SPARCL1: variants seen among roughly 807,000 people sequenced by gnomAD.
SPARCL1 encodes the protein SPARC-like protein 1.
In SPARCL1, 52 loss-of-function variants were observed where a neutral mutation model predicts 67.1. That is an observed-to-expected ratio of 0.78 (90% CI 0.62 to 0.98). The LOEUF (loss-of-function observed/expected upper bound fraction) is 0.98. Among genes scored for constraint, SPARCL1 ranks in the 50% least tolerant of loss-of-function variants. The pLI is 0.00. For synonymous variants in SPARCL1, 226 were observed against 267.8 expected, an observed-to-expected ratio of 0.84 and a Z score of 1.52; for missense variants, 717 against 782.4, an observed-to-expected ratio of 0.92 and a Z score of 1.00.
chr4:87,514,273 G>T (rs1255147348), intron 1 of SPARCL1, among the ~76,000 whole-genome samples: 1 of 152,166 alleles, frequency 6.6e-6, no homozygotes, highest in African/African-American at 2.4e-5. Context: ...AACCCAAAAA[G>T]AGCTATCGAA....
chr4:87,494,494 G>T lies in SPARCL1; in HGVS notation c.306C>A (p.Asp102Glu). The T allele has an allele frequency of 6.2e-7, 1 of 1,614,076 alleles. No individual in the cohort carries two copies. The highest frequency in any genetic ancestry group is 8.5e-7 in the Non-Finnish European group (1 of 1,180,002). The part of the protein sequence containing the change: ...SQELGLKDQE[D>E]SDGHLSVNLE... ...AATTCACACTTAAGTGACCATCACTGTCCTCTTGATCCTTCAATCCCAGCT... is the reference window on the plus strand; with the variant it reads ...AATTCACACTTAAGTGACCATCACTTTCCTCTTGATCCTTCAATCCCAGCT... Residue 102 changes from aspartate to glutamate, a missense_variant, in exon 4 of 11, where the codon GAC (aspartate) becomes GAA (glutamate). Asp to Glu is a conservative substitution (Grantham distance 45). Transcript: ENST00000282470.
chr4:87,476,031 G>T (rs1033981352), intron 10 of SPARCL1, among the ~76,000 whole-genome samples: 1 of 152,192 alleles, frequency 6.6e-6, no homozygotes, highest in African/African-American at 2.4e-5. Flanking sequence ...TGGAGTGGTA[G>T]AGATAATGGC....
chr4:87,486,811 G>A (rs1274628239), intron 7 of SPARCL1, among the ~76,000 whole-genome samples: 1 of 144,486 alleles, frequency 6.9e-6, no homozygotes, highest in African/African-American at 2.6e-5. Context: ...TTACCATTAT[G>A]TGATGCCCTT....
At chr4:87,513,121 G>A (rs970302972) in intron 1 of SPARCL1, among the ~76,000 whole-genome samples, 1 of 152,130 alleles carries the variant, frequency 6.6e-6, no homozygotes, top group African/African-American at 2.4e-5. Context: ...CTTGAGGCAG[G>A]GTTCCAAGGA....
chr4:87,498,517 T>C (rs1195579456), intron 2 of SPARCL1, among the ~76,000 whole-genome samples: 4 of 152,272 alleles, frequency 2.6e-5, no homozygotes, highest in Non-Finnish European at 5.9e-5. Context: ...ATGAATCATT[T>C]GCAGAACATC....
At chr4:87,473,886 G>C (rs1330959884) in intron 10 of SPARCL1, 83 bp from the exon 11 acceptor site, 7 of 927,138 alleles carry the variant, frequency 7.6e-6, no homozygotes, top group African/African-American at 3.3e-5. Context: ...TGGGGGATTA[G>C]AGAAACCATC....
intron 1 of SPARCL1, among the ~76,000 whole-genome samples, chr4:87,526,207 A>G (rs758644772): frequency 6.6e-6 from 1 of 152,236 alleles, no homozygotes; most frequent in Non-Finnish European, 1.5e-5. Flanking sequence ...CTACTAACTG[A>G]TGCAGCAGTG....
At chr4:87,510,507 G>A (rs562932018) in intron 1 of SPARCL1, among the ~76,000 whole-genome samples, 1 of 152,302 alleles carries the variant, frequency 6.6e-6, no homozygotes, top group South Asian at 2.1e-4. Context: ...AGCCAGCAGA[G>A]GGAAGAAGCA....
chr4:87,513,342 G>T (rs574392729), intron 1 of SPARCL1, among the ~76,000 whole-genome samples: 1 of 152,172 alleles, frequency 6.6e-6, no homozygotes, highest in African/African-American at 2.4e-5. Context: ...AATTAGAAAC[G>T]CTGAGCTTTG....
chr4:87,491,588 T>G (rs1388025649), intron 5 of SPARCL1, 30 bp downstream of exon 5: 3 of 1,568,620 alleles, frequency 1.9e-6, no homozygotes, highest in Admixed American at 1.7e-5. Context: ...CTTGATATAG[T>G]CACAAACAGC....
chr4:87,480,172 T>A (rs770162823), intron 9 of SPARCL1, among the ~76,000 whole-genome samples, 200 bp downstream of exon 9: 29 of 152,078 alleles, frequency 1.9e-4, no homozygotes, highest in East Asian at 7.7e-4. Context: ...TTCAGACTTT[T>A]TTATTATTAT....
At chr4:87,481,257 G>A (rs1017270500) in intron 8 of SPARCL1, among the ~76,000 whole-genome samples, 3 of 152,038 alleles carry the variant, frequency 2.0e-5, no homozygotes, top group South Asian at 2.1e-4. Flanking sequence ...GACATGTATC[G>A]AAGAACGCCC....
At position 87,494,345 on chromosome 4, in the gene SPARCL1, T is replaced by C. The variant is rs1212685602; in HGVS notation, c.455A>G (p.Asn152Ser). 1.2e-6 allele frequency: 2 copies of C among 1,614,102 alleles called. No homozygotes were observed. The highest frequency in any genetic ancestry group is 2.7e-5 in the African/African-American group (2 of 74,938). Residue 152 changes from asparagine to serine, a missense_variant, in exon 4 of 11, where the codon AAC becomes AGC. Physicochemically the swap from Asn to Ser is conservative, Grantham distance 46. Transcript: ENST00000282470. Reference sequence around the variant, plus strand: ...TCTCTTTGTGATACTTTCTTGTTGGTTAGAATCTGTGAAGGAACTAACACC... The same window carrying C: ...TCTCTTTGTGATACTTTCTTGTTGGCTAGAATCTGTGAAGGAACTAACACC... ...APGVSSFTDS[N>S]QQESITKREE...
At chr4:87,518,251 C>G (rs2110261456) in intron 1 of SPARCL1, among the ~76,000 whole-genome samples, 1 of 152,218 alleles carries the variant, frequency 6.6e-6, no homozygotes, top group Admixed American at 6.5e-5. Context: ...CACAGCTTGC[C>G]CACAGCTGGT....
intron 5 of SPARCL1, among the ~76,000 whole-genome samples, 168 bp downstream of exon 5, chr4:87,491,450 G>A (rs1460728029): frequency 6.6e-6 from 1 of 152,178 alleles, no homozygotes; most frequent in Non-Finnish European, 1.5e-5. Context: ...TGTATATCAA[G>A]TATGCACAAG....
At chr4:87,474,110 G>A (rs1310871413) in intron 10 of SPARCL1, among the ~76,000 whole-genome samples, 1 of 152,156 alleles carries the variant, frequency 6.6e-6, no homozygotes, top group Non-Finnish European at 1.5e-5. Context: ...GTTAACGGGA[G>A]GTCCAGCCAA....
At chr4:87,528,920 A>G (rs1185456225) in intron 1 of SPARCL1, 125 bp downstream of exon 1, 3 of 152,258 alleles carry the variant, frequency 2.0e-5, no homozygotes, top group Non-Finnish European at 4.4e-5. Context: ...AAATCACACA[A>G]AACTTTTTTT....
intron 7 of SPARCL1, among the ~76,000 whole-genome samples, chr4:87,488,028 T>C (rs1030079745): frequency 6.6e-6 from 1 of 152,250 alleles, no homozygotes; most frequent in African/African-American, 2.4e-5. Context: ...CTTCCTTGTA[T>C]TGGGTTATAA....
At chr4:87,518,104 G>A (rs946253114) in intron 1 of SPARCL1, among the ~76,000 whole-genome samples, 4 of 152,342 alleles carry the variant, frequency 2.6e-5, no homozygotes, top group African/African-American at 7.2e-5. Flanking sequence ...TTTTCTGAAA[G>A]AAGCAGATGT....
Sources: allele counts gnomAD v4.1 joint callset (sites outside exome capture counted in the v4.1 genomes callset), GRCh38; gene constraint gnomAD v4.1.1; transcripts MANE v1.5; gene names NCBI Gene and HGNC (gene_info 2026-07-23, HGNC 2026-07-21).